MECOM: variants seen among roughly 807,000 people sequenced by gnomAD.
MECOM encodes MDS1 and EVI1 complex locus.
Under a neutral mutation model 116.3 loss-of-function variants are expected in MECOM, and 13 were observed. That is an observed-to-expected ratio of 0.11 (90% confidence interval 0.07 to 0.18). The LOEUF (loss-of-function observed/expected upper bound fraction) is 0.18. Ranked by LOEUF, MECOM falls within the 10% of genes least tolerant of loss-of-function variation. MECOM has a pLI of 1.00. For missense variants in MECOM, 1,299 were observed against 1,509.0 expected, an observed-to-expected ratio of 0.86 and a Z score of 2.31; for synonymous variants, 528 against 535.2, an observed-to-expected ratio of 0.99 and a Z score of 0.19.
intron 1 of MECOM, among the ~76,000 whole-genome samples, chr3:169,573,240 G>T (rs1405013691): frequency 1.3e-5 from 2 of 152,182 alleles, no homozygotes; most frequent in African/African-American, 2.4e-5. Context: ...AAAGGCGAAC[G>T]AATGAAACTT....
chr3:169,597,941 T>C (rs962345610), intron 1 of MECOM, among the ~76,000 whole-genome samples: 3 of 152,222 alleles, frequency 2.0e-5, no homozygotes, highest in Non-Finnish European at 4.4e-5. Flanking sequence ...TCAGGATATC[T>C]ACAAAAACTT....
At chr3:169,181,114 T>G (rs1019390066) in intron 2 of MECOM, among the ~76,000 whole-genome samples, 2 of 152,060 alleles carry the variant, frequency 1.3e-5, no homozygotes, top group African/African-American at 4.8e-5. Flanking sequence ...CACTTTATAT[T>G]CAAGGGAATG....
intron 2 of MECOM, among the ~76,000 whole-genome samples, chr3:169,287,263 G>C (rs1713515658): frequency 6.6e-6 from 1 of 152,192 alleles, no homozygotes; most frequent in Admixed American, 6.6e-5. Context: ...GGACTGCCAG[G>C]CTTATCTGCT....
rs571372272 is a variant in MECOM, at chr3:169,389,475, A to G, written c.38-7951T>C. 6 of 722,982 alleles carry G rather than the reference A, an allele frequency of 8.3e-6. No homozygotes were observed. The South Asian group carries it at 3.7e-4, about 45-fold the overall frequency. The allele number at this position is 722,982 out of a possible 1,614,324, so 44.8% of individuals were successfully genotyped here. On this transcript the variant is annotated intron_variant, in intron 1 of 16. Transcript: ENST00000651503. ...AACAGACTTATCACATATCAGATAG[A>G]TAGTTTTTCTTTTATGTTTTAGCTA...
chr3:169,398,234 A>C (rs1055312842), intron 1 of MECOM, among the ~76,000 whole-genome samples: 3 of 152,202 alleles, frequency 2.0e-5, no homozygotes, highest in Non-Finnish European at 4.4e-5. Flanking sequence ...CTGCAAACTC[A>C]AGTCACTACA....
At chr3:169,227,571 C>T (rs968105708) in intron 2 of MECOM, among the ~76,000 whole-genome samples, 3 of 152,132 alleles carry the variant, frequency 2.0e-5, no homozygotes, top group African/African-American at 7.2e-5. Context: ...CATGAACAGG[C>T]TTTGACCCCA....
chr3:169,335,397 G>A (rs1312276000), intron 2 of MECOM, among the ~76,000 whole-genome samples: 1 of 152,094 alleles, frequency 6.6e-6, no homozygotes, highest in Non-Finnish European at 1.5e-5. Context: ...ATCTTCCTCA[G>A]TCCTTTTCCT....
At chr3:169,532,114 T>C (rs1288828022) in intron 1 of MECOM, among the ~76,000 whole-genome samples, 1 of 152,192 alleles carries the variant, frequency 6.6e-6, no homozygotes, top group Non-Finnish European at 1.5e-5. Flanking sequence ...GCAATTGTTA[T>C]CCCACTTTCC....
chr3:169,182,364 A>G (rs1004916700), intron 2 of MECOM, among the ~76,000 whole-genome samples: 3 of 152,202 alleles, frequency 2.0e-5, no homozygotes, highest in African/African-American at 7.2e-5. Context: ...TAAATTATAA[A>G]TCTGGGATTA....
chr3:169,184,427 A>G lies in MECOM; in HGVS notation c.376-40595T>C, dbSNP rs1323051569. On this transcript the variant is annotated intron_variant, in intron 2 of 16. Coordinates refer to ENST00000651503, the MANE Select transcript of MECOM (RefSeq NM_004991.4). ...GCAGAGAAAGGGGAGAAATGAAGCT[A>G]AAGACGTTTGGAATTAAATCACGGA... is the stretch of plus-strand genomic sequence containing the variant. Among the ~76,000 whole-genome samples the G allele has an allele frequency of 7.2e-5, 11 of 152,332 alleles. No individual in the cohort carries two copies. In the East Asian group the frequency reaches 1.7e-3, roughly 24 times the overall value.
chr3:169,577,976 A>T (rs6770911), intron 1 of MECOM, among the ~76,000 whole-genome samples: 5 of 151,810 alleles, frequency 3.3e-5, no homozygotes, highest in Non-Finnish European at 7.4e-5. Flanking sequence ...CATTCCTTAG[A>T]CAAATTAGGA....
At chr3:169,112,908 C>A (rs759275414) in intron 8 of MECOM, 34 bp from the exon 9 acceptor site, 1 of 1,448,848 alleles carries the variant, frequency 6.9e-7, no homozygotes, top group East Asian at 2.3e-5. Flanking sequence ...GGAGATGAAG[C>A]AGTCTCACAT....
intron 2 of MECOM, among the ~76,000 whole-genome samples, chr3:169,219,246 C>T (rs896517009): frequency 2.6e-5 from 4 of 152,220 alleles, no homozygotes; most frequent in South Asian, 2.1e-4. Flanking sequence ...GTGGCTCACG[C>T]CTGTAATCCC....
chr3:169,266,315 C>T (rs1468774071), intron 2 of MECOM, among the ~76,000 whole-genome samples: 1 of 152,164 alleles, frequency 6.6e-6, no homozygotes, highest in Non-Finnish European at 1.5e-5. Flanking sequence ...AGTTACTTCC[C>T]CACATTAAGA....
At chr3:169,439,204 A>G (rs1743203411) in intron 1 of MECOM, among the ~76,000 whole-genome samples, 1 of 147,688 alleles carries the variant, frequency 6.8e-6, no homozygotes, top group South Asian at 2.1e-4. Flanking sequence ...TACTTCTAAA[A>G]TAAAACAGAC....
At chr3:169,237,804 T>C (rs77853017) in intron 2 of MECOM, among the ~76,000 whole-genome samples, 11,131 of 152,194 alleles carry the variant, frequency 0.073, 663 homozygotes, top group East Asian at 0.31. Context: ...TCCCATACTA[T>C]TTAACCATTT....
At chr3:169,244,313 T>C (rs1755279702) in intron 2 of MECOM, among the ~76,000 whole-genome samples, 1 of 152,240 alleles carries the variant, frequency 6.6e-6, no homozygotes, top group African/African-American at 2.4e-5. Context: ...GCAAATGTTC[T>C]GGTGTAGACA....
In MECOM at chr3:169,611,650, C is replaced by G. The variant is rs1347581417; in HGVS notation, c.37+51686G>C. ...CCTATAACAGCTAATAATCTCTGGA[C>G]CTCAAAATCACTATATATCTTTTTT... On this transcript the variant is annotated intron_variant, in intron 1 of 16. Coordinates refer to ENST00000651503, the MANE Select transcript of MECOM (RefSeq NM_004991.4). The surrounding 1 kb of genome is among the most constrained non-coding windows in gnomAD (Gnocchi z 4.1). Among the ~76,000 whole-genome samples, 1 of 152,142 alleles carries G rather than the reference C, an allele frequency of 6.6e-6. No homozygotes were observed. The highest frequency in any genetic ancestry group is 1.5e-5 in the Non-Finnish European group (1 of 68,034).
intron 1 of MECOM, among the ~76,000 whole-genome samples, chr3:169,388,440 G>A (rs983787318): frequency 1.3e-5 from 2 of 152,122 alleles, no homozygotes; most frequent in African/African-American, 2.4e-5. Flanking sequence ...AGGAGGCTAT[G>A]AACTGGCCAG....
Sources: gnomAD v4.1 joint callset for allele counts (sites outside exome capture counted in the v4.1 genomes callset) on GRCh38, gnomAD v4.1.1 for gene constraint, Gnocchi (gnomAD v3.1) non-coding constraint, MANE v1.5 for transcripts, NCBI Gene and HGNC (gene_info 2026-07-23, HGNC 2026-07-21) for gene names.